HAS1: variants seen among roughly 807,000 people sequenced by gnomAD.
The protein encoded by HAS1 is hyaluronan synthase 1.
Under a neutral mutation model 35.0 loss-of-function variants are expected in HAS1, and 27 were observed. That is an observed-to-expected ratio of 0.77 (90% CI 0.57 to 1.06). The LOEUF (loss-of-function observed/expected upper bound fraction) is 1.06, where lower values mean the gene tolerates loss of function less well. Ranked by LOEUF, HAS1 falls within the 50% of genes least tolerant of loss-of-function variation. HAS1 has a pLI of 0.00. For synonymous variants in HAS1, 409 were observed against 371.2 expected, an observed-to-expected ratio of 1.10 and a Z score of -1.17; for missense variants, 940 against 814.8, an observed-to-expected ratio of 1.15 and a Z score of -1.87.
Position 51,713,388 on chromosome 19 carries a change from C to T in HAS1, c.*39G>A, listed in dbSNP as rs1236039587. The T allele has an allele frequency of 1.4e-6, 2 of 1,448,408 alleles. No homozygotes were observed. Among genetic ancestry groups the T allele is most frequent in the Admixed American group, 5.5e-5 (2 of 36,324 alleles). The allele number at this position is 1,448,408 out of a possible 1,614,324, so 89.7% of individuals were successfully genotyped here. ...GGGCCCAGCAGCTCTCCTCTGGCCT[C>T]CCCTGAAGACCCTTGAGGCGGCATC... is the stretch of plus-strand genomic sequence containing the variant. On this transcript the variant is annotated 3_prime_UTR_variant, in exon 5 of 5. Coordinates refer to ENST00000540069, the MANE Select transcript of HAS1 (RefSeq NM_001297436.2). The surrounding 1 kb of genome is among the most constrained non-coding windows in gnomAD (Gnocchi z 4.5).
At chr19:51,716,423 T>A in intron 3 of HAS1, 35 bp from the exon 4 acceptor site, 1 of 1,579,658 alleles carries the variant, frequency 6.3e-7, no homozygotes, top group African/African-American at 1.3e-5. Context: ...AGTGTCAGCC[T>A]CTGCTGTCAC....
chr19:51,719,780 C>G lies in HAS1; in HGVS notation c.125G>C (p.Gly42Ala). The G allele has an allele frequency of 6.4e-7, 1 of 1,561,220 alleles. No homozygotes were observed. The highest frequency in any genetic ancestry group is 8.6e-7 in the Non-Finnish European group (1 of 1,156,834). The stretch of plus-strand genomic sequence containing the variant: ...GTAGCGATCGGAGGCCAGCGGCACC[C>G]CGGCGGCGTAGGCCCAGGTCATGAG... ...LGLMTWAYAAGVPLASDRYGL... is the reference protein window; with the variant it reads ...LGLMTWAYAAAVPLASDRYGL... Residue 42 changes from glycine (G) to alanine (A), a missense_variant, in exon 2 of 5, where the codon GGG becomes GCG. Transcript: ENST00000540069.
chr19:51,714,376 A>AAAT (rs1568625313), intron 4 of HAS1, among the ~76,000 whole-genome samples: 1 of 123,000 alleles, frequency 8.1e-6, no homozygotes, highest in Non-Finnish European at 1.6e-5. Context: ...TCTACTAAAT[A>AAAT]AATAAATAAA....
rs1286732298 is a variant in HAS1 at position 51,713,930 on chromosome 19, G to A, written c.1231C>T (p.Pro411Ser). ...AGCACAGTGGCCGCCACGAAGAAGG[G>A]GAACAGGCCGGAGACCACCGCCTCG... ...TYEAVVSGLF[P>S]FFVAATVLRL... The change falls in exon 5 of 5, where the codon CCC becomes TCC. Residue 411 changes from proline (P) to serine (S), a missense_variant. Physicochemically the swap from Pro to Ser is moderately conservative, Grantham distance 74. Transcript: ENST00000540069. This position sits in a 1 kb window ranked among gnomAD's most constrained non-coding sequence, Gnocchi z 4.5. The A allele has an allele frequency of 3.2e-5, 52 of 1,609,158 alleles. No individual in the cohort carries two copies. Among genetic ancestry groups the A allele is most frequent in the Non-Finnish European group, 4.4e-5 (52 of 1,180,006 alleles).
intron 1 of HAS1, 52 bp from the exon 2 acceptor site, chr19:51,719,947 C>T (rs745493232): frequency 4.1e-6 from 5 of 1,217,302 alleles, no homozygotes; most frequent in Non-Finnish European, 5.7e-6. Flanking sequence ...GGCGCATGAG[C>T]CTCCTCCGAG....
intron 1 of HAS1, among the ~76,000 whole-genome samples, chr19:51,722,908 A>G (rs1482495087): frequency 2.0e-5 from 3 of 152,232 alleles, no homozygotes; most frequent in Non-Finnish European, 2.9e-5. Flanking sequence ...GGCCACAAGA[A>G]AATTTTAAAT....
At chr19:51,721,689 C>A (rs1038321420) in intron 1 of HAS1, among the ~76,000 whole-genome samples, 1 of 152,064 alleles carries the variant, frequency 6.6e-6, no homozygotes, top group African/African-American at 2.4e-5. Flanking sequence ...CTGCTTGAAC[C>A]CCTGAGGTGG....
rs567892906 is a variant in HAS1, at chr19:51,714,772, C to A, written c.1059-670G>T. Among the ~76,000 whole-genome samples the A allele has an allele frequency of 2.3e-4, 35 of 151,132 alleles. 1 individual carries two copies. Among genetic ancestry groups the A allele is most frequent in the African/African-American group, 8.0e-4 (33 of 41,160 alleles). On this transcript the variant is annotated intron_variant, in intron 4 of 4. Transcript: ENST00000540069. ...AAATTAAACGCCAAGTGCTTAGGACCAGTAGATAGTATTTGCTCAATAAAT... is the reference window on the plus strand; with the variant it reads ...AAATTAAACGCCAAGTGCTTAGGACAAGTAGATAGTATTTGCTCAATAAAT...
rs769655356 is a variant in HAS1 at position 51,713,574 on chromosome 19, G to A, written c.1587C>T (p.Ser529=). Reference sequence around the variant, plus strand: ...AGGCCTCGGCTGCGCGGGAAGGGCCGCTCCAGTCGGCCCTGGCCTCGTGTG... The same window carrying A: ...AGGCCTCGGCTGCGCGGGAAGGGCCACTCCAGTCGGCCCTGGCCTCGTGTG... ...SVAHEARADW[S]GPSRAAEAYH... is the part of the protein sequence containing the mutation. The change falls in exon 5 of 5, where the codon AGC becomes AGT. Residue 529 remains serine (S), a synonymous_variant. Transcript: ENST00000540069. The surrounding 1 kb of genome is among the most constrained non-coding windows in gnomAD (Gnocchi z 4.5). 1.2e-5 allele frequency: 19 copies of A among 1,566,204 alleles called. No individual in the cohort carries two copies. The South Asian group carries it at 1.8e-4, about 15-fold the overall frequency.
chr19:51,722,509 A>C (rs1217457895), intron 1 of HAS1, among the ~76,000 whole-genome samples: 1 of 152,238 alleles, frequency 6.6e-6, no homozygotes, highest in Non-Finnish European at 1.5e-5. Flanking sequence ...ATCATATCTT[A>C]TATGTAGCAG....
At chr19:51,720,580 A>C (rs2083624970) in intron 1 of HAS1, among the ~76,000 whole-genome samples, 1 of 151,694 alleles carries the variant, frequency 6.6e-6, no homozygotes, top group Non-Finnish European at 1.5e-5. Context: ...GCAGCTTCTA[A>C]CTCCTAGGCT....
At chr19:51,716,155 C>A in intron 4 of HAS1, 101 bp downstream of exon 4, 1 of 1,048,926 alleles carries the variant, frequency 9.5e-7, no homozygotes. Context: ...AGCCCATTGT[C>A]TGGTGAGTTA....
At chr19:51,723,540 CA>C (rs1356072588) in intron 1 of HAS1, among the ~76,000 whole-genome samples, 1 of 152,192 alleles carries the variant, frequency 6.6e-6, no homozygotes, top group Non-Finnish European at 1.5e-5. Flanking sequence ...CCATGTGCCA[CA>C]GGCAAATCCA....
At chr19:51,720,318 A>C (rs1198230468) in intron 1 of HAS1, among the ~76,000 whole-genome samples, 2 of 151,254 alleles carry the variant, frequency 1.3e-5, no homozygotes, top group Non-Finnish European at 2.9e-5. Flanking sequence ...GTCTCCCTAC[A>C]TTACCTAGGC....
intron 1 of HAS1, 100 bp from the exon 2 acceptor site, chr19:51,719,995 C>T: frequency 8.6e-6 from 6 of 700,940 alleles, no homozygotes; most frequent in Middle Eastern, 5.6e-4. Flanking sequence ...CCCTCCTTCC[C>T]TTTCCCTCCC....
At chr19:51,723,233 C>T (rs561676310) in intron 1 of HAS1, among the ~76,000 whole-genome samples, 37 of 152,248 alleles carry the variant, frequency 2.4e-4, no homozygotes, top group African/African-American at 7.0e-4. Flanking sequence ...CCAAACACAG[C>T]GATCCCGTGA....
chr19:51,713,982 C>A lies in HAS1; in HGVS notation c.1179G>T (p.Trp393Cys), dbSNP rs1380945551. 1 of 1,613,450 alleles carries A rather than the reference C, an allele frequency of 6.2e-7. No individual in the cohort carries two copies. Among genetic ancestry groups the A allele is most frequent in the South Asian group, 1.1e-5 (1 of 91,080 alleles). ...FREWLYNALWWHRHHAWMTYE... is the reference protein window; with the variant it reads ...FREWLYNALWCHRHHAWMTYE... ...AGGTCATCCACGCATGGTGCCGGTG[C>A]CACCAGAGCGCGTTGTACAGCCACT... Residue 393 changes from tryptophan to cysteine, a missense_variant, in exon 5 of 5, where the codon TGG becomes TGT. Coordinates refer to ENST00000540069, the MANE Select transcript of HAS1 (RefSeq NM_001297436.2). This position sits in a 1 kb window ranked among gnomAD's most constrained non-coding sequence, Gnocchi z 4.5.
At position 51,716,685 on chromosome 19, in the gene HAS1, A is replaced by T. The variant is rs11669079; in HGVS notation, c.925+283T>A. Among the ~76,000 whole-genome samples, 101,615 of 151,460 alleles carry T rather than the reference A, an allele frequency of 0.67. 34,914 individuals are homozygous for T. Among genetic ancestry groups the T allele is most frequent in the East Asian group, 0.87 (4,480 of 5,136 alleles). On this transcript the variant is annotated intron_variant, in intron 3 of 4. Transcript: ENST00000540069. ...CCCATCCAAAACCCACTGCAACCTC[A>T]AACCTGGCTCCAACTCTGTCTTTGA...
Position 51,717,051 on chromosome 19 carries a change from C to A in HAS1, c.842G>T (p.Ser281Ile), listed in dbSNP as rs1335119558. ...PLDSWVSFLS[S>I]LRYWVAFNVE... Reference sequence around the variant, plus strand: ...ATTGAAGGCTACCCAGTATCGCAGGCTGCTTAGGAAGCTGACCCAGGAGTC... The same window carrying A: ...ATTGAAGGCTACCCAGTATCGCAGGATGCTTAGGAAGCTGACCCAGGAGTC... Residue 281 changes from serine (S) to isoleucine (I), a missense_variant, in exon 3 of 5, where the codon AGC (serine) becomes ATC (isoleucine). Ser to Ile is a moderately radical substitution (Grantham distance 142). Coordinates refer to ENST00000540069, the MANE Select transcript of HAS1 (RefSeq NM_001297436.2). The A allele has an allele frequency of 4.3e-6, 7 of 1,614,134 alleles. No homozygotes were observed. In the South Asian group the frequency reaches 6.6e-5, roughly 15 times the overall value.
Sources: allele counts gnomAD v4.1 joint callset (sites outside exome capture counted in the v4.1 genomes callset), GRCh38; gene constraint gnomAD v4.1.1; non-coding constraint Gnocchi (gnomAD v3.1); transcripts MANE v1.5; gene names NCBI Gene and HGNC (gene_info 2026-07-23, HGNC 2026-07-21).